The following CRAMP1 variants were observed in gnomAD, a reference collection of about 807,000 sequenced individuals.
CRAMP1 encodes the protein cramped chromatin regulator 1.
A neutral mutation model predicts 115.4 loss-of-function variants in CRAMP1; 50 were observed. The ratio of observed to expected loss-of-function variants is 0.43; its 90% CI spans 0.35 to 0.55. The LOEUF (loss-of-function observed/expected upper bound fraction) is 0.55, where lower values mean the gene tolerates loss of function less well. Among genes scored for constraint, CRAMP1 ranks in the 20% least tolerant of loss-of-function variants. The pLI is 0.01. For missense variants in CRAMP1, 1,679 were observed against 1,721.7 expected (o/e 0.98, Z 0.44); for synonymous variants, 866 against 745.4 (o/e 1.16, Z -2.64).
At chr16:1,653,868 G>A (rs1168148122) in intron 8 of CRAMP1, among the ~76,000 whole-genome samples, 4 of 150,574 alleles carry the variant, frequency 2.7e-5, no homozygotes, top group Admixed American at 2.0e-4. Flanking sequence ...GTGACTGGGT[G>A]TGGAGGCTCA....
chr16:1,664,778 CAA>C (rs60337080), intron 13 of CRAMP1, among the ~76,000 whole-genome samples: 15 of 106,948 alleles, frequency 1.4e-4, no homozygotes, highest in Admixed American at 2.8e-4. Flanking sequence ...GACACCGTCT[CAA>C]AAAAAAAAAA....
chr16:1,650,746 A>G (rs2036715564), intron 6 of CRAMP1, among the ~76,000 whole-genome samples: 1 of 152,266 alleles, frequency 6.6e-6, no homozygotes, highest in Admixed American at 6.5e-5. Flanking sequence ...CAGCAAATAT[A>G]GAAGCAGCAA....
At chr16:1,642,882 C>A (rs1411881337) in intron 6 of CRAMP1, among the ~76,000 whole-genome samples, 2 of 152,250 alleles carry the variant, frequency 1.3e-5, no homozygotes, top group Non-Finnish European at 2.9e-5. Flanking sequence ...ATGAGCGTTC[C>A]TTTTGCCAAA....
Position 1,653,265 on chromosome 16 carries a change from A to G in CRAMP1, c.1037+109A>G, listed in dbSNP as rs188383660. On this transcript the variant is annotated intron_variant, in intron 8 of 20. Transcript: ENST00000397412. ...TTCCAGGAGAAGCAGGTCCACCCCT[A>G]TGCTCTGTCATCACACGAGGACGCA... 3.7e-4 allele frequency: 473 copies of G among 1,287,594 alleles called. 4 individuals carry two copies. The East Asian group carries it at 0.011, about 29-fold the overall frequency. 79.8% of individuals were successfully genotyped at this position (1,287,594 alleles called of 1,614,324 possible).
At chr16:1,613,866 C>G (rs1481623538) in intron 1 of CRAMP1, among the ~76,000 whole-genome samples, 1 of 152,218 alleles carries the variant, frequency 6.6e-6, no homozygotes, top group Admixed American at 6.5e-5. Context: ...ATCCCCGCAG[C>G]AGCTCACATT....
chr16:1,660,042 A>C lies in CRAMP1; in HGVS notation c.2392A>C (p.Ser798Arg). ...SLRSSKTFPP[S>R]SAPCSSGLRN... ...CCGCAGCAGCAAGACCTTCCCGCCC[A>C]GCTCTGCACCCTGCTCCTCAGGTGA... The change falls in exon 11 of 21, where the codon AGC becomes CGC. Residue 798 changes from serine to arginine, a missense_variant. By Grantham distance (110) the Ser-to-Arg change is moderately radical. Coordinates refer to ENST00000397412, the MANE Select transcript of CRAMP1 (RefSeq NM_020825.4). 1 of 1,590,854 alleles carries C rather than the reference A, an allele frequency of 6.3e-7. No homozygotes were observed. Among genetic ancestry groups the C allele is most frequent in the Non-Finnish European group, 8.5e-7 (1 of 1,175,830 alleles).
intron 2 of CRAMP1, chr16:1,625,496 A>C (rs2036500915): frequency 6.4e-6 from 1 of 155,152 alleles, no homozygotes; most frequent in East Asian, 1.9e-4. Context: ...ATTCTGAAGC[A>C]CTGATTTTAT....
chr16:1,659,951 G>A lies in CRAMP1; in HGVS notation c.2301G>A (p.Thr767=), dbSNP rs539483291. The change falls in exon 11 of 21, where the codon ACG becomes ACA. Residue 767 remains threonine, a synonymous_variant. Transcript: ENST00000397412. ...VRPAQEEQSM[T]PPGKVVTVSS... is the part of the protein sequence containing the mutation. ...CCGCCCAGGAGGAGCAGTCGATGAC[G>A]CCCCCAGGGAAGGTGGTGACCGTCA... is the stretch of plus-strand genomic sequence containing the variant. 71 of 1,611,234 alleles carry A rather than the reference G, an allele frequency of 4.4e-5. No homozygotes were observed. Among genetic ancestry groups the A allele is most frequent in the African/African-American group, 4.3e-4 (32 of 75,048 alleles).
chr16:1,665,034 AT>A (rs758987576), intron 13 of CRAMP1, 22 bp from the exon 14 acceptor site: 1 of 1,538,610 alleles, frequency 6.5e-7, no homozygotes, highest in South Asian at 1.1e-5. Context: ...CATCACCTTG[AT>A]TGTTGACCAT....
intron 6 of CRAMP1, among the ~76,000 whole-genome samples, chr16:1,646,048 C>T (rs760674626): frequency 6.6e-5 from 10 of 152,204 alleles, no homozygotes; most frequent in South Asian, 2.1e-4. Context: ...CTGAGATGGG[C>T]GTCCCCACTC....
chr16:1,662,859 C>A (rs776470784), intron 13 of CRAMP1, 24 bp downstream of exon 13: 14 of 1,596,284 alleles, frequency 8.8e-6, no homozygotes, highest in Non-Finnish European at 1.0e-5. Context: ...CAAGTCTGAA[C>A]GTGTGGCCTC....
At chr16:1,658,399 C>T (rs1028636713) in intron 10 of CRAMP1, among the ~76,000 whole-genome samples, 2 of 151,960 alleles carry the variant, frequency 1.3e-5, no homozygotes, top group African/African-American at 2.4e-5. Context: ...AGAGACATGG[C>T]GCCTGTGTTT....
chr16:1,668,148 A>G lies in CRAMP1; in HGVS notation c.3289A>G (p.Ile1097Val), dbSNP rs2036892359. 3 of 1,613,532 alleles carry G rather than the reference A, an allele frequency of 1.9e-6. No homozygotes were observed. The highest frequency in any genetic ancestry group is 2.5e-6 in the Non-Finnish European group (3 of 1,179,878). Reference sequence around the variant, plus strand: ...GTCACAGGGCGAGCCTGCCACACACATTAGCGACTCCATCATTGAGATCGC... The same window carrying G: ...GTCACAGGGCGAGCCTGCCACACACGTTAGCGACTCCATCATTGAGATCGC... ...ALSQGEPATHISDSIIEIAIS... is the reference protein window; with the variant it reads ...ALSQGEPATHVSDSIIEIAIS... The change falls in exon 18 of 21, where the codon ATT (isoleucine) becomes GTT (valine). Residue 1097 changes from isoleucine to valine, a missense_variant. Ile to Val is a conservative substitution (Grantham distance 29). Around this residue, in one of 8 missense-constraint regions of CRAMP1, gnomAD observed 709 missense variants for 741.9 expected, o/e 0.96. Transcript: ENST00000397412.
Position 1,670,677 on chromosome 16 carries a change from C to T in CRAMP1, c.3513C>T (p.Ser1171=). ...SLSSLFASFI[S]PEKSRKMLPT... ...TTTTCTCCGCAGCAAGCTTCATCTC[C>T]CCAGAGAAGAGCCGGAAGATGTTGC... Residue 1171 remains serine, a synonymous_variant, in exon 20 of 21, where the codon TCC becomes TCT. Transcript: ENST00000397412. 1.2e-6 allele frequency: 2 copies of T among 1,613,988 alleles called. No homozygotes were observed. Among genetic ancestry groups the T allele is most frequent in the Non-Finnish European group, 1.7e-6 (2 of 1,179,874 alleles).
At chr16:1,673,406 C>T (rs75062885) in intron 20 of CRAMP1, among the ~76,000 whole-genome samples, 1 of 152,208 alleles carries the variant, frequency 6.6e-6, no homozygotes, top group Non-Finnish European at 1.5e-5. Flanking sequence ...CACCTGTCCT[C>T]ATGTCTATGA....
At chr16:1,673,324 C>T (rs2036938184) in intron 20 of CRAMP1, among the ~76,000 whole-genome samples, 2 of 151,804 alleles carry the variant, frequency 1.3e-5, no homozygotes, top group Non-Finnish European at 2.9e-5. Context: ...ACGTGTCCCC[C>T]ACCTGTCCTC....
At chr16:1,619,051 C>CTTA (rs1426501156) in intron 2 of CRAMP1, among the ~76,000 whole-genome samples, 1 of 152,104 alleles carries the variant, frequency 6.6e-6, no homozygotes, top group African/African-American at 2.4e-5. Flanking sequence ...CTTATTGTGG[C>CTTA]TTATGTAAGG....
At chr16:1,636,980 C>T (rs113062708) in intron 4 of CRAMP1, among the ~76,000 whole-genome samples, 1 of 152,196 alleles carries the variant, frequency 6.6e-6, no homozygotes, top group South Asian at 2.1e-4. Flanking sequence ...ATGTCTCAGC[C>T]TGTTTGCCTC....
chr16:1,639,873 G>C (rs1202780877), intron 5 of CRAMP1, among the ~76,000 whole-genome samples: 3 of 152,250 alleles, frequency 2.0e-5, no homozygotes, highest in East Asian at 3.9e-4. Flanking sequence ...ATTGGCCTTA[G>C]GTTCCCTACC....
Sources: gnomAD v4.1 joint callset for allele counts (sites outside exome capture counted in the v4.1 genomes callset) on GRCh38, gnomAD v4.1.1 for gene constraint, gnomAD v4.1.1 regional missense constraint, MANE v1.5 for transcripts, NCBI Gene and HGNC (gene_info 2026-07-23, HGNC 2026-07-21) for gene names.